Variants in DPYD observed in about 807,000 individuals in gnomAD.
DPYD encodes the protein dihydropyrimidine dehydrogenase, also known as dihydropyrimidine dehydrogenase [NADP(+)].
In DPYD, 109 loss-of-function variants were observed where a neutral mutation model predicts 116.2. The observed-to-expected ratio is 0.94, with a 90% CI of 0.80 to 1.10. The LOEUF (loss-of-function observed/expected upper bound fraction) is 1.10. DPYD is among the 50% of genes least tolerant of loss of function. The pLI is 0.00. For missense variants in DPYD, 1,302 were observed against 1,254.5 expected (o/e 1.04, Z -0.57); for synonymous variants, 440 against 432.0 (o/e 1.02, Z -0.23).
intron 14 of DPYD, among the ~76,000 whole-genome samples, chr1:97,431,893 C>T (rs1054400231): frequency 1.3e-5 from 2 of 152,098 alleles, no homozygotes; most frequent in Non-Finnish European, 2.9e-5. Context: ...CTCTGGTAAT[C>T]GCCATTCTAC....
chr1:97,249,409 G>A (rs1662933745), intron 18 of DPYD, among the ~76,000 whole-genome samples: 2 of 150,988 alleles, frequency 1.3e-5, no homozygotes, highest in African/African-American at 4.9e-5. Context: ...AGAAAAGAAA[G>A]GAAAAAAATG....
intron 1 of DPYD, among the ~76,000 whole-genome samples, chr1:97,888,760 A>C (rs1183045054): frequency 6.6e-6 from 1 of 152,122 alleles, no homozygotes; most frequent in African/African-American, 2.4e-5. Context: ...AATGTGAACC[A>C]TGACTCCTAT....
chr1:97,443,576 T>C (rs1348379125), intron 14 of DPYD, among the ~76,000 whole-genome samples: 1 of 152,222 alleles, frequency 6.6e-6, no homozygotes, highest in Non-Finnish European at 1.5e-5. Context: ...AGAAGTCCCT[T>C]CAGTACAGAG....
intron 16 of DPYD, among the ~76,000 whole-genome samples, chr1:97,337,997 T>G (rs912911835): frequency 6.6e-6 from 1 of 152,188 alleles, no homozygotes; most frequent in African/African-American, 2.4e-5. Context: ...TACACCTTGA[T>G]TCTCTCCTTC....
At chr1:97,486,768 T>C (rs996720658) in intron 13 of DPYD, among the ~76,000 whole-genome samples, 2 of 152,086 alleles carry the variant, frequency 1.3e-5, no homozygotes, top group African/African-American at 4.8e-5. Flanking sequence ...TATATGGGTT[T>C]ATAACTCAGT....
At chr1:97,767,839 T>G (rs1305196087) in intron 3 of DPYD, among the ~76,000 whole-genome samples, 1 of 142,492 alleles carries the variant, frequency 7.0e-6, no homozygotes, top group African/African-American at 2.6e-5. Context: ...AACATCCAAA[T>G]GTTTTAAATA....
intron 16 of DPYD, among the ~76,000 whole-genome samples, chr1:97,363,763 G>A (rs1417610270): frequency 6.6e-6 from 1 of 152,114 alleles, no homozygotes; most frequent in Non-Finnish European, 1.5e-5. Context: ...GAGAACACTT[G>A]GACACAGGAT....
chr1:97,898,963 A>G (rs1305240735), intron 1 of DPYD, among the ~76,000 whole-genome samples: 2 of 151,930 alleles, frequency 1.3e-5, no homozygotes, highest in Admixed American at 6.6e-5. Flanking sequence ...AGTTTCAGGT[A>G]TGTCTTAATC....
intron 8 of DPYD, among the ~76,000 whole-genome samples, chr1:97,670,458 G>A (rs1371580619): frequency 2.0e-5 from 3 of 152,186 alleles, no homozygotes; most frequent in South Asian, 2.1e-4. Flanking sequence ...CTTTCCATGC[G>A]GATAAACCAA....
At chr1:97,383,058 C>T (rs1672069483) in intron 14 of DPYD, among the ~76,000 whole-genome samples, 1 of 152,086 alleles carries the variant, frequency 6.6e-6, no homozygotes, top group African/African-American at 2.4e-5. Context: ...TTACCAATGC[C>T]TCCTCTGAAA....
intron 14 of DPYD, among the ~76,000 whole-genome samples, chr1:97,397,169 G>T (rs12043021): frequency 0.19 from 29,090 of 151,826 alleles, 2,949 homozygotes; most frequent in South Asian, 0.36. Flanking sequence ...TATGAAGATT[G>T]TAATACTTGC....
intron 8 of DPYD, among the ~76,000 whole-genome samples, chr1:97,652,784 A>T (rs1430619738): frequency 6.6e-6 from 1 of 152,174 alleles, no homozygotes; most frequent in Non-Finnish European, 1.5e-5. Context: ...TGTCTCTAGG[A>T]TAAATCTAAA....
chr1:97,728,962 T>C (rs890526111), intron 4 of DPYD, among the ~76,000 whole-genome samples: 1 of 150,884 alleles, frequency 6.6e-6, no homozygotes. Context: ...AAAAAAAAAA[T>C]GGAGATAGAA....
At chr1:97,642,335 C>CA (rs1300699818) in intron 8 of DPYD, among the ~76,000 whole-genome samples, 1 of 152,054 alleles carries the variant, frequency 6.6e-6, no homozygotes, top group Non-Finnish European at 1.5e-5. Context: ...TACCTGACTT[C>CA]AAACTATACT....
rs533573111 is a variant in DPYD, at chr1:97,452,728, C to T, written c.1741-2505G>A. Among the ~76,000 whole-genome samples, 5 of 151,760 alleles carry T rather than the reference C, an allele frequency of 3.3e-5. No individual in the cohort carries two copies. In the East Asian group the frequency reaches 7.8e-4, roughly 24 times the overall value. ...GTGGCCCTTTAAAAGTGTGTAGCAT[C>T]TCTCCCCTCTTTCTCTTGCTCCTGA... On this transcript the variant is annotated intron_variant, in intron 13 of 22. Coordinates refer to ENST00000370192, the MANE Select transcript of DPYD (RefSeq NM_000110.4).
At chr1:97,257,835 A>G (rs998759105) in intron 18 of DPYD, among the ~76,000 whole-genome samples, 1 of 152,030 alleles carries the variant, frequency 6.6e-6, no homozygotes, top group African/African-American at 2.4e-5. Context: ...AGAAATGTAC[A>G]CTCTAGCTAA....
intron 18 of DPYD, among the ~76,000 whole-genome samples, chr1:97,297,382 G>A (rs192757093): frequency 7.2e-5 from 11 of 152,256 alleles, no homozygotes; most frequent in Admixed American, 7.2e-4. Flanking sequence ...TGGAATTTGA[G>A]GTGTTTTCTA....
At chr1:97,332,633 A>G (rs992751414) in intron 16 of DPYD, among the ~76,000 whole-genome samples, 2 of 152,326 alleles carry the variant, frequency 1.3e-5, no homozygotes, top group African/African-American at 4.8e-5. Context: ...GTCATGTAAT[A>G]GAAAAGATAT....
At chr1:97,805,871 G>A (rs1443627493) in intron 3 of DPYD, among the ~76,000 whole-genome samples, 1 of 151,818 alleles carries the variant, frequency 6.6e-6, no homozygotes, top group South Asian at 2.1e-4. Context: ...GAGGTTTGTG[G>A]GAGGCTAAAA....
Sources: allele counts gnomAD v4.1 joint callset (sites outside exome capture counted in the v4.1 genomes callset), GRCh38; gene constraint gnomAD v4.1.1; transcripts MANE v1.5; gene names NCBI Gene and HGNC (gene_info 2026-07-23, HGNC 2026-07-21).